MAP7: variants seen among roughly 807,000 people sequenced by gnomAD.
MAP7 encodes ensconsin.
Under a neutral mutation model 94.8 loss-of-function variants are expected in MAP7, and 52 were observed. The ratio of observed to expected loss-of-function variants is 0.55; its 90% confidence interval spans 0.44 to 0.69. The LOEUF (loss-of-function observed/expected upper bound fraction) is 0.69, where lower values mean the gene tolerates loss of function less well. Among genes scored for constraint, MAP7 ranks in the 30% least tolerant of loss-of-function variants. The pLI, the probability that MAP7 is intolerant of heterozygous loss-of-function variation, is 0.00. For missense variants in MAP7, 940 were observed against 964.6 expected, an observed-to-expected ratio of 0.97 and a Z score of 0.34; for synonymous variants, 350 against 357.0, an observed-to-expected ratio of 0.98 and a Z score of 0.22.
At chr6:136,508,384 T>C (rs1027014601) in intron 1 of MAP7, among the ~76,000 whole-genome samples, 4 of 152,088 alleles carry the variant, frequency 2.6e-5, no homozygotes, top group Admixed American at 6.6e-5. Flanking sequence ...TAACAAAGAT[T>C]TGTCACATCA....
intron 15 of MAP7, among the ~76,000 whole-genome samples, chr6:136,359,355 T>C (rs1401755950): frequency 6.6e-6 from 1 of 152,144 alleles, no homozygotes; most frequent in East Asian, 1.9e-4. Context: ...CTAAGATAAA[T>C]AACATTTAAA....
At chr6:136,355,107 G>A (rs1790501955) in intron 16 of MAP7, among the ~76,000 whole-genome samples, 1 of 151,964 alleles carries the variant, frequency 6.6e-6, no homozygotes, top group African/African-American at 2.4e-5. Context: ...CCCAGGAGGT[G>A]GAGGTTGCAG....
chr6:136,348,931 T>C (rs1788402422), intron 16 of MAP7, among the ~76,000 whole-genome samples: 1 of 152,258 alleles, frequency 6.6e-6, no homozygotes, highest in Non-Finnish European at 1.5e-5. Context: ...TTCTGGAGTA[T>C]TAGGAGGGTA....
At chr6:136,351,629 T>C (rs542986513) in intron 16 of MAP7, among the ~76,000 whole-genome samples, 2 of 152,316 alleles carry the variant, frequency 1.3e-5, no homozygotes, top group East Asian at 3.9e-4. Flanking sequence ...CTCAACCCCA[T>C]ATTCATGCTG....
intron 3 of MAP7, among the ~76,000 whole-genome samples, chr6:136,408,271 G>A (rs1422556760): frequency 2.0e-5 from 3 of 152,102 alleles, no homozygotes; most frequent in Non-Finnish European, 2.9e-5. Flanking sequence ...AGTGCCCAAC[G>A]ACAGAATAAT....
chr6:136,372,249 T>C (rs1774744195), intron 8 of MAP7, among the ~76,000 whole-genome samples: 1 of 152,210 alleles, frequency 6.6e-6, no homozygotes. Flanking sequence ...CGTCCACTCA[T>C]ACATGCTTGA....
chr6:136,464,355 T>C (rs1365495386), intron 1 of MAP7, among the ~76,000 whole-genome samples: 1 of 152,224 alleles, frequency 6.6e-6, no homozygotes, highest in Non-Finnish European at 1.5e-5. Context: ...AACCACAGTC[T>C]GAAAATTGGT....
chr6:136,494,260 G>T (rs1306211321), intron 1 of MAP7, among the ~76,000 whole-genome samples: 1 of 152,192 alleles, frequency 6.6e-6, no homozygotes, highest in Non-Finnish European at 1.5e-5. Context: ...CATTCATAGG[G>T]TGTGATATGC....
intron 1 of MAP7, among the ~76,000 whole-genome samples, chr6:136,507,219 G>A (rs1009688660): frequency 1.3e-5 from 2 of 151,918 alleles, no homozygotes; most frequent in African/African-American, 2.4e-5. Flanking sequence ...GTACTTAAGC[G>A]GGGGTCAATC....
At chr6:136,354,393 TA>T (rs1015771858) in intron 16 of MAP7, among the ~76,000 whole-genome samples, 5 of 137,366 alleles carry the variant, frequency 3.6e-5, no homozygotes, top group Non-Finnish European at 7.6e-5. Context: ...ATATAGTAGA[TA>T]TATATATATA....
chr6:136,512,623 G>A (rs1288271950), intron 1 of MAP7, among the ~76,000 whole-genome samples: 5 of 152,110 alleles, frequency 3.3e-5, no homozygotes, highest in South Asian at 2.1e-4. Flanking sequence ...TTTTCGTTAC[G>A]CTGTAGTCTA....
At chr6:136,528,175 G>A (rs753454499) in intron 1 of MAP7, among the ~76,000 whole-genome samples, 6 of 152,124 alleles carry the variant, frequency 3.9e-5, no homozygotes, top group African/African-American at 7.2e-5. Flanking sequence ...TGCTTCTCCC[G>A]ATGACAAATG....
At chr6:136,528,520 G>A (rs1452263266) in intron 1 of MAP7, among the ~76,000 whole-genome samples, 2 of 151,956 alleles carry the variant, frequency 1.3e-5, no homozygotes, top group African/African-American at 2.4e-5. Context: ...ATTTACAATA[G>A]CAAAAGCATA....
chr6:136,403,645 A>T (rs1202674673), intron 3 of MAP7, among the ~76,000 whole-genome samples: 4 of 152,116 alleles, frequency 2.6e-5, no homozygotes, highest in African/African-American at 4.8e-5. Context: ...TGTTTACAAG[A>T]CCCCTTACTT....
intron 1 of MAP7, among the ~76,000 whole-genome samples, chr6:136,441,286 AT>A (rs927188495): frequency 6.6e-6 from 1 of 152,086 alleles, no homozygotes; most frequent in South Asian, 2.1e-4. Context: ...ATATTTTATC[AT>A]TTTTCCCTAA....
chr6:136,370,910 T>TC (rs1273110505), intron 8 of MAP7, among the ~76,000 whole-genome samples: 1 of 151,658 alleles, frequency 6.6e-6, no homozygotes, highest in Non-Finnish European at 1.5e-5. Context: ...ACATGCTTTT[T>TC]TTTTTTTTTA....
intron 2 of MAP7, 38 bp downstream of exon 2, chr6:136,421,663 A>C: frequency 6.5e-7 from 1 of 1,542,070 alleles, no homozygotes; most frequent in East Asian, 2.2e-5. Flanking sequence ...CATAAAAGAT[A>C]ACCTTTATTT....
intron 1 of MAP7, among the ~76,000 whole-genome samples, chr6:136,461,584 T>C (rs891635742): frequency 6.6e-6 from 1 of 152,202 alleles, no homozygotes; most frequent in African/African-American, 2.4e-5. Flanking sequence ...GAGTTTATTG[T>C]CTGTGATATT....
At chr6:136,480,641 CAAAAAAAAAAAAAA>C (rs769951186) in intron 1 of MAP7, among the ~76,000 whole-genome samples, 10 of 20,158 alleles carry the variant, frequency 5.0e-4, no homozygotes, top group African/African-American at 6.8e-4. Context: ...GACTCTGCCT[CAAAAAAAAAAAAAA>C]AAAAAAAAAA....
Sources: gnomAD v4.1 joint callset for allele counts (sites outside exome capture counted in the v4.1 genomes callset) on GRCh38, gnomAD v4.1.1 for gene constraint, MANE v1.5 for transcripts, NCBI Gene and HGNC (gene_info 2026-07-23, HGNC 2026-07-21) for gene names.